Variants in CDH4 observed in about 807,000 individuals in gnomAD.
The protein encoded by CDH4 is cadherin-4.
CDH4 carries 33 observed loss-of-function variants against 86.0 expected under a neutral mutation model. That is an observed-to-expected ratio of 0.38 (90% CI 0.29 to 0.51). CDH4 has a LOEUF of 0.51. Ranked by LOEUF, CDH4 falls within the 20% of genes least tolerant of loss-of-function variation. The probability of loss-of-function intolerance (pLI) is 0.86; values close to 1 mark genes in which losing one functional copy is unlikely to be tolerated. For missense variants in CDH4, 1,114 were observed against 1,307.4 expected, an observed-to-expected ratio of 0.85 and a Z score of 2.28; for synonymous variants, 555 against 549.4, an observed-to-expected ratio of 1.01 and a Z score of -0.14.
intron 2 of CDH4, among the ~76,000 whole-genome samples, chr20:61,256,523 C>T (rs928165452): frequency 2.0e-5 from 3 of 152,208 alleles, no homozygotes; most frequent in Middle Eastern, 3.2e-3. Context: ...CAGGCCAAAC[C>T]GTGCTGTGCT....
At chr20:61,918,427 T>C (rs1158524930) in intron 9 of CDH4, among the ~76,000 whole-genome samples, 1 of 152,130 alleles carries the variant, frequency 6.6e-6, no homozygotes, top group Non-Finnish European at 1.5e-5. Context: ...CAGGCACCTA[T>C]GGGGCACAGA....
Position 61,934,083 on chromosome 20 carries a change from C to T in CDH4, c.2407C>T (p.Pro803Ser), listed in dbSNP as rs2055148197. The change falls in exon 15 of 16, where the codon CCG (proline) becomes TCG (serine). Residue 803 changes from proline to serine, a missense_variant. Transcript: ENST00000614565. ...CTACGACCTCAGCCAGCTGCAGCAG[C>T]CGGAAGCCATGGGGCACGTGCCAAG... Reference protein sequence around the residue: ...QDYDLSQLQQPEAMGHVPSKA... With the variant: ...QDYDLSQLQQSEAMGHVPSKA... The T allele has an allele frequency of 1.2e-6, 2 of 1,611,120 alleles. No homozygotes were observed. The highest frequency in any genetic ancestry group is 1.7e-6 in the Non-Finnish European group (2 of 1,179,856).
At chr20:61,580,650 A>G (rs1020123281) in intron 2 of CDH4, among the ~76,000 whole-genome samples, 21 of 151,892 alleles carry the variant, frequency 1.4e-4, no homozygotes, top group Non-Finnish European at 2.8e-4. Context: ...AGGGGGGGAA[A>G]TTAGCCCCCT....
At chr20:61,257,950 G>A (rs886708716) in intron 2 of CDH4, among the ~76,000 whole-genome samples, 13 of 152,322 alleles carry the variant, frequency 8.5e-5, no homozygotes, top group Middle Eastern at 6.8e-3. Flanking sequence ...GCGGGAACAG[G>A]TGAGTGGAAA....
rs1465645590 is a variant in CDH4, at chr20:61,811,992, C to T, written c.577-32676C>T. On this transcript the variant is annotated intron_variant, in intron 4 of 15. Coordinates refer to ENST00000614565, the MANE Select transcript of CDH4 (RefSeq NM_001794.5). The surrounding 1 kb of genome is among the most constrained non-coding windows in gnomAD (Gnocchi z 4.4). ...TAGCCGCCTGCTGTCCTTCAGACTC[C>T]CCGCCTGGGCTTGGGTTTGAGGCCC... is the stretch of plus-strand genomic sequence containing the variant. Among the ~76,000 whole-genome samples the T allele has an allele frequency of 2.6e-5, 4 of 152,082 alleles. No homozygotes were observed. Among genetic ancestry groups the T allele is most frequent in the Non-Finnish European group, 4.4e-5 (3 of 68,018 alleles).
At chr20:61,848,337 G>GACACTTTTGCACAC (rs1491089522) in intron 5 of CDH4, among the ~76,000 whole-genome samples, 30 of 138,060 alleles carry the variant, frequency 2.2e-4, no homozygotes, top group Admixed American at 4.9e-4. Context: ...CCAGTGCGCA[G>GACACTTTTGCACAC]ACACTTTTGC....
In CDH4 at chr20:61,501,927, A is replaced by T. The variant is rs1308689591; in HGVS notation, c.170-241636A>T. On this transcript the variant is annotated intron_variant, in intron 2 of 15. Coordinates refer to ENST00000614565, the MANE Select transcript of CDH4 (RefSeq NM_001794.5). This position sits in a 1 kb window ranked among gnomAD's most constrained non-coding sequence, Gnocchi z 4.2. ...CCCCAGCTCCTCTGAGGAATGCCTGAGTGAGGACCCCGTGTAAAGTAAGAT... is the reference window on the plus strand; with the variant it reads ...CCCCAGCTCCTCTGAGGAATGCCTGTGTGAGGACCCCGTGTAAAGTAAGAT... Among the ~76,000 whole-genome samples, 1 of 152,114 alleles carries T rather than the reference A, an allele frequency of 6.6e-6. No individual in the cohort carries two copies. The highest frequency in any genetic ancestry group is 1.5e-5 in the Non-Finnish European group (1 of 68,030).
intron 2 of CDH4, among the ~76,000 whole-genome samples, chr20:61,321,113 C>A (rs936866973): frequency 1.3e-5 from 2 of 152,184 alleles, no homozygotes; most frequent in African/African-American, 4.8e-5. Context: ...TCAGCCACAC[C>A]GCACATTTCC....
At chr20:61,872,314 C>T (rs1983839791) in intron 6 of CDH4, among the ~76,000 whole-genome samples, 1 of 152,154 alleles carries the variant, frequency 6.6e-6, no homozygotes, top group African/African-American at 2.4e-5. Context: ...ATGCACAGGG[C>T]CCCATGACTC....
In CDH4 at chr20:61,754,281, A is replaced by G. The variant is rs1013160745; in HGVS notation, c.396+10492A>G. 1.6e-4 allele frequency among the ~76,000 whole-genome samples: 25 copies of G among 152,162 alleles called. No individual in the cohort carries two copies. Among genetic ancestry groups the G allele is most frequent in the East Asian group, 5.8e-4 (3 of 5,200 alleles). On this transcript the variant is annotated intron_variant, in intron 3 of 15. Coordinates refer to ENST00000614565, the MANE Select transcript of CDH4 (RefSeq NM_001794.5). This position sits in a 1 kb window ranked among gnomAD's most constrained non-coding sequence, Gnocchi z 4.7. The stretch of plus-strand genomic sequence containing the variant: ...CAGCCGAGGTGGAGACTCAGATGGC[A>G]GAGTGCAGACAGACCCCAAGGCATC...
chr20:61,852,338 C>T (rs1197917769), intron 5 of CDH4, among the ~76,000 whole-genome samples: 2 of 152,200 alleles, frequency 1.3e-5, no homozygotes, highest in East Asian at 3.9e-4. Context: ...AGGAGTTAAG[C>T]CCCCGCCCAA....
intron 2 of CDH4, among the ~76,000 whole-genome samples, chr20:61,282,546 C>CGTGT (rs1568780355): frequency 1.3e-3 from 5 of 3,910 alleles, no homozygotes; most frequent in African/African-American, 2.6e-3. Flanking sequence ...GGTGTGTGTG[C>CGTGT]ATGTGTGTGT....
chr20:61,456,360 G>T (rs2085406934), intron 2 of CDH4, among the ~76,000 whole-genome samples: 1 of 152,220 alleles, frequency 6.6e-6, no homozygotes, highest in South Asian at 2.1e-4. Context: ...AGGTTTTATT[G>T]TAGGCCAGTG....
intron 2 of CDH4, among the ~76,000 whole-genome samples, chr20:61,632,201 C>T (rs1419968508): frequency 4.6e-5 from 7 of 152,200 alleles, no homozygotes; most frequent in Non-Finnish European, 7.3e-5. Flanking sequence ...GAGAGTGAAG[C>T]GCAGGGCACA....
intron 2 of CDH4, among the ~76,000 whole-genome samples, chr20:61,659,082 T>TTCACGGTCGTA (rs1394333158): frequency 6.6e-6 from 1 of 152,142 alleles, no homozygotes; most frequent in African/African-American, 2.4e-5. Context: ...CACTAAACTG[T>TTCACGGTCGTA]TCACGGTCGT....
At chr20:61,732,170 G>A (rs539010987) in intron 2 of CDH4, among the ~76,000 whole-genome samples, 1 of 152,318 alleles carries the variant, frequency 6.6e-6, no homozygotes, top group African/African-American at 2.4e-5. Context: ...ATTTTTCTGT[G>A]TACAAAATAT....
chr20:61,925,274 G>A (rs190567417), intron 11 of CDH4, among the ~76,000 whole-genome samples: 5 of 152,148 alleles, frequency 3.3e-5, no homozygotes, highest in South Asian at 2.1e-4. Flanking sequence ...CGAACTGGCC[G>A]AGCCCCCCAC....
chr20:61,677,556 T>C (rs1237070805), intron 2 of CDH4, among the ~76,000 whole-genome samples: 1 of 151,440 alleles, frequency 6.6e-6, no homozygotes, highest in Non-Finnish European at 1.5e-5. Flanking sequence ...TTTTACTCAT[T>C]CAGACTACCT....
chr20:61,663,003 C>G lies in CDH4; in HGVS notation c.170-80560C>G, dbSNP rs1240262151. Among the ~76,000 whole-genome samples the G allele has an allele frequency of 6.6e-6, 1 of 152,186 alleles. No individual in the cohort carries two copies. The highest frequency in any genetic ancestry group is 1.5e-5 in the Non-Finnish European group (1 of 68,034). Reference sequence around the variant, plus strand: ...CCTCTCCTCCTCCCCTCCCCACAGGCACTGGCACAGCGGCCCGGGGTAGAA... The same window carrying G: ...CCTCTCCTCCTCCCCTCCCCACAGGGACTGGCACAGCGGCCCGGGGTAGAA... On this transcript the variant is annotated intron_variant, in intron 2 of 15. Coordinates refer to ENST00000614565, the MANE Select transcript of CDH4 (RefSeq NM_001794.5). This position sits in a 1 kb window ranked among gnomAD's most constrained non-coding sequence, Gnocchi z 5.0.
Sources: allele counts gnomAD v4.1 joint callset (sites outside exome capture counted in the v4.1 genomes callset), GRCh38; gene constraint gnomAD v4.1.1; non-coding constraint Gnocchi (gnomAD v3.1); transcripts MANE v1.5; gene names NCBI Gene and HGNC (gene_info 2026-07-23, HGNC 2026-07-21).